The following DNAH14 variants were observed in gnomAD, a reference collection of about 807,000 sequenced individuals.
The protein encoded by DNAH14 is dynein axonemal heavy chain 14, also known as axonemal beta dynein heavy chain 14.
In DNAH14, 478 loss-of-function variants were observed where a neutral mutation model predicts 520.9. That is an observed-to-expected ratio of 0.92 (90% CI 0.85 to 0.99). The LOEUF (loss-of-function observed/expected upper bound fraction) is 0.99, where lower values mean the gene tolerates loss of function less well. DNAH14 is among the 50% of genes least tolerant of loss of function. The pLI is 0.00. For missense variants in DNAH14, 4,831 were observed against 5,234.5 expected (o/e 0.92, Z 2.38); for synonymous variants, 1,581 against 1,757.2 (o/e 0.90, Z 2.51).
intron 10 of DNAH14, among the ~76,000 whole-genome samples, chr1:225,021,003 T>C (rs1220717432): frequency 1.3e-5 from 2 of 151,746 alleles, no homozygotes; most frequent in African/African-American, 4.9e-5. Context: ...CATATGCAAA[T>C]CAATAAGTGT....
intron 41 of DNAH14, among the ~76,000 whole-genome samples, chr1:225,211,709 T>C (rs1010816083): frequency 6.6e-6 from 1 of 151,792 alleles, no homozygotes; most frequent in Non-Finnish European, 1.5e-5. Context: ...TTCACCAAGG[T>C]TGAAATGAAA....
intron 23 of DNAH14, among the ~76,000 whole-genome samples, chr1:225,102,760 G>T (rs7555397): frequency 0.08 from 12,192 of 152,126 alleles, 1,576 homozygotes; most frequent in African/African-American, 0.27. Context: ...TTGTAAATCT[G>T]ACTGAGTTCA....
intron 73 of DNAH14, among the ~76,000 whole-genome samples, chr1:225,355,226 G>A (rs894130280): frequency 2.0e-5 from 3 of 152,058 alleles, no homozygotes; most frequent in Non-Finnish European, 4.4e-5. Context: ...GCATCGTCTT[G>A]CTGTGTCCTC....
chr1:225,058,094 C>G (rs1158620272), intron 17 of DNAH14, among the ~76,000 whole-genome samples: 3 of 152,150 alleles, frequency 2.0e-5, no homozygotes, highest in Non-Finnish European at 4.4e-5. Context: ...GGAATACTTT[C>G]AGAAGGAATG....
Position 225,331,508 on chromosome 1 carries a change from T to TC in DNAH14, c.9796dup (p.Arg3266ProfsTer22). 1 of 1,551,304 alleles carries TC rather than the reference T, an allele frequency of 6.4e-7. No homozygotes were observed. Among genetic ancestry groups the TC allele is most frequent in the Non-Finnish European group, 8.7e-7 (1 of 1,146,814 alleles). ...TTGCTGAAAAACAACTATTAGCAAA[T>TC]CGGAAAACAATGGCCAGCAGGCGCT... On this transcript the variant is annotated frameshift_variant, in exon 65 of 86. Coordinates refer to ENST00000682510, the MANE Select transcript of DNAH14 (RefSeq NM_001367479.1). LOFTEE classifies it high-confidence loss of function.
intron 17 of DNAH14, among the ~76,000 whole-genome samples, chr1:225,063,008 T>C (rs2070377078): frequency 6.6e-6 from 1 of 150,786 alleles, no homozygotes; most frequent in South Asian, 2.1e-4. Flanking sequence ...AGAAAAAAAA[T>C]AAATGGAAAC....
chr1:225,366,815 G>A (rs368061952), intron 76 of DNAH14, among the ~76,000 whole-genome samples: 33 of 143,210 alleles, frequency 2.3e-4, no homozygotes, highest in Middle Eastern at 3.7e-3. Flanking sequence ...TCTTTTCCCC[G>A]AGAAGATTTG....
At chr1:224,986,395 A>G (rs943262787) in intron 8 of DNAH14, among the ~76,000 whole-genome samples, 3 of 151,916 alleles carry the variant, frequency 2.0e-5, no homozygotes, top group South Asian at 2.1e-4. Context: ...TCAACAAAGT[A>G]CTAGCAAACT....
intron 36 of DNAH14, among the ~76,000 whole-genome samples, chr1:225,176,885 C>G (rs923888795): frequency 1.3e-5 from 2 of 152,128 alleles, no homozygotes; most frequent in African/African-American, 2.4e-5. Flanking sequence ...AGTATGAAAA[C>G]AGACAAATGC....
intron 9 of DNAH14, among the ~76,000 whole-genome samples, chr1:225,005,894 G>A (rs2064132492): frequency 6.6e-6 from 1 of 152,084 alleles, no homozygotes; most frequent in South Asian, 2.1e-4. Flanking sequence ...CTTCCTTATA[G>A]ATTCTGAATG....
intron 50 of DNAH14, among the ~76,000 whole-genome samples, chr1:225,271,084 G>A (rs367804540): frequency 5.3e-5 from 8 of 152,270 alleles, no homozygotes; most frequent in East Asian, 1.9e-4. Flanking sequence ...TCCAATGCAC[G>A]TTAAAATGTA....
At chr1:225,203,234 T>A (rs1000775029) in intron 38 of DNAH14, among the ~76,000 whole-genome samples, 1 of 152,216 alleles carries the variant, frequency 6.6e-6, no homozygotes, top group African/African-American at 2.4e-5. Flanking sequence ...TGCCATGTTC[T>A]CTGCAAGTCA....
intron 3 of DNAH14, among the ~76,000 whole-genome samples, chr1:224,959,144 AAT>A (rs2060693898): frequency 6.6e-6 from 1 of 152,076 alleles, no homozygotes. Context: ...AAATTCTTGG[AAT>A]AGAGCTTAAA....
chr1:225,342,129 G>A (rs549017161), intron 69 of DNAH14, among the ~76,000 whole-genome samples: 1 of 152,094 alleles, frequency 6.6e-6, no homozygotes, highest in Non-Finnish European at 1.5e-5. Flanking sequence ...GGTCTGAAAG[G>A]CAAGTCCATT....
At chr1:225,279,860 G>A (rs1043464600) in intron 54 of DNAH14, among the ~76,000 whole-genome samples, 10 of 151,298 alleles carry the variant, frequency 6.6e-5, no homozygotes, top group Middle Eastern at 3.4e-3. Flanking sequence ...GCAGATATCC[G>A]AAATACAGCT....
At chr1:225,393,639 G>A (rs1314807517) in intron 84 of DNAH14, among the ~76,000 whole-genome samples, 1 of 152,084 alleles carries the variant, frequency 6.6e-6, no homozygotes, top group Non-Finnish European at 1.5e-5. Context: ...GGTCATACAT[G>A]GCCATATGTT....
chr1:225,339,396 G>A (rs755474818), intron 68 of DNAH14, among the ~76,000 whole-genome samples: 1 of 152,072 alleles, frequency 6.6e-6, no homozygotes, highest in Non-Finnish European at 1.5e-5. Context: ...GGTTTAATAG[G>A]TATCACTCAA....
Position 225,364,913 on chromosome 1 carries a change from A to C in DNAH14, c.12090+19A>C. 1 of 1,511,886 alleles carries C rather than the reference A, an allele frequency of 6.6e-7. No homozygotes were observed. The highest frequency in any genetic ancestry group is 8.9e-7 in the Non-Finnish European group (1 of 1,120,284). The allele number at this position is 1,511,886 out of a possible 1,614,324, so 93.7% of individuals were successfully genotyped here. A position where few individuals can be genotyped will look rare whatever the true frequency, so the allele number is the denominator to read the frequency against. On this transcript the variant is annotated intron_variant, in intron 76 of 85. Transcript: ENST00000682510. ...TTTAAAGGTAAGAACAAAGTATAAC[A>C]GATTTAATGTTGACTGAGGAGCCCT...
chr1:225,038,541 C>G (rs1283646710), intron 11 of DNAH14, among the ~76,000 whole-genome samples, 153 bp from the exon 12 acceptor site: 1 of 151,724 alleles, frequency 6.6e-6, no homozygotes, highest in Non-Finnish European at 1.5e-5. Context: ...TGCTTATTGT[C>G]CATTTGTGTA....
Sources: gnomAD v4.1 joint callset for allele counts (sites outside exome capture counted in the v4.1 genomes callset) on GRCh38, gnomAD v4.1.1 for gene constraint, MANE v1.5 for transcripts, NCBI Gene and HGNC (gene_info 2026-07-23, HGNC 2026-07-21) for gene names.